KLF8: variants seen among roughly 807,000 people sequenced by gnomAD.
KLF8 encodes the protein KLF transcription factor 8.
KLF8 carries 10 observed loss-of-function variants against 18.2 expected under a neutral mutation model. The observed-to-expected ratio is 0.55, with a 90% CI of 0.34 to 0.93. The LOEUF (loss-of-function observed/expected upper bound fraction) is 0.93, where lower values mean the gene tolerates loss of function less well. KLF8 is among the 40% of genes least tolerant of loss of function. KLF8 has a pLI of 0.02. For synonymous variants in KLF8, 109 were observed against 97.3 expected (o/e 1.12, Z -0.71); for missense variants, 264 against 277.9 (o/e 0.95, Z 0.36).
the KLF8 span, among the ~76,000 whole-genome samples, chrX:56,069,560 C>A: frequency 8.9e-6 from 1 of 112,025 alleles, no homozygotes; most frequent in Non-Finnish European, 1.9e-5. Flanking sequence ...CTGCTGGTAG[C>A]CAGGTGAGTC....
chrX:55,908,781 C>T, the KLF8 span: 1 of 275,694 alleles, frequency 3.6e-6, no homozygotes, highest in East Asian at 5.2e-5. Flanking sequence ...AGGATGCCTT[C>T]GGAGGCGCAG....
At chrX:55,937,711 G>A in the KLF8 span, among the ~76,000 whole-genome samples, 1 of 112,536 alleles carries the variant, frequency 8.9e-6, no homozygotes, top group Non-Finnish European at 1.9e-5. Context: ...CATGGCATGA[G>A]AACTACGTGA....
At chrX:56,089,326 T>A in the KLF8 span, among the ~76,000 whole-genome samples, 25 of 112,160 alleles carry the variant, frequency 2.2e-4, no homozygotes, top group African/African-American at 7.8e-4. Context: ...AGGGAAAAAG[T>A]GAGCGGAGAA....
chrX:56,207,168 G>A, the KLF8 span, among the ~76,000 whole-genome samples: 1 of 112,584 alleles, frequency 8.9e-6, no homozygotes, highest in Non-Finnish European at 1.9e-5. Flanking sequence ...CTCCAGGCCT[G>A]TGATGGGAGG....
chrX:56,104,579 A>T, the KLF8 span, among the ~76,000 whole-genome samples: 1 of 110,822 alleles, frequency 9.0e-6, no homozygotes, highest in South Asian at 3.8e-4. Context: ...TATCATTTTG[A>T]TTGCATCTAT....
chrX:56,206,930 G>T, the KLF8 span, among the ~76,000 whole-genome samples: 1 of 112,487 alleles, frequency 8.9e-6, no homozygotes, highest in African/African-American at 3.2e-5. Flanking sequence ...CTAGGCAGAG[G>T]TTCCCAAATG....
the KLF8 span, among the ~76,000 whole-genome samples, chrX:56,042,378 G>C: frequency 1.8e-5 from 2 of 111,237 alleles, no homozygotes; most frequent in East Asian, 5.6e-4. Context: ...TTCTGTAGCA[G>C]GTCCGACTGA....
chrX:56,204,284 T>G, the KLF8 span, among the ~76,000 whole-genome samples: 1 of 111,543 alleles, frequency 9.0e-6, no homozygotes, highest in Non-Finnish European at 1.9e-5. Flanking sequence ...TACTGCAAAT[T>G]TACTGAATTT....
the KLF8 span, among the ~76,000 whole-genome samples, chrX:56,189,044 T>C: frequency 9.0e-6 from 1 of 111,424 alleles, no homozygotes; most frequent in Non-Finnish European, 1.9e-5. Flanking sequence ...CTCAAGAGCT[T>C]CTGCACAGCA....
the KLF8 span, among the ~76,000 whole-genome samples, chrX:56,161,931 C>A: frequency 3.6e-5 from 4 of 111,291 alleles, no homozygotes; most frequent in Non-Finnish European, 5.7e-5. Flanking sequence ...ATGATGGTGA[C>A]ATACAGATGG....
the KLF8 span, among the ~76,000 whole-genome samples, chrX:56,055,661 C>A: frequency 8.9e-6 from 1 of 111,922 alleles, no homozygotes; most frequent in African/African-American, 3.2e-5. Context: ...AATATGTTTT[C>A]CAAGTTGTTT....
the KLF8 span, among the ~76,000 whole-genome samples, chrX:56,068,529 A>G: frequency 9.0e-6 from 1 of 111,646 alleles, no homozygotes; most frequent in Non-Finnish European, 1.9e-5. Flanking sequence ...GTTTTGGTGA[A>G]CAACCAAATT....
chrX:56,017,693 T>A, the KLF8 span, among the ~76,000 whole-genome samples: 1 of 111,514 alleles, frequency 9.0e-6, no homozygotes, highest in Admixed American at 9.5e-5. Flanking sequence ...GATATTTCCC[T>A]TCAGTTGTAT....
chrX:56,109,394 C>CAA, the KLF8 span, among the ~76,000 whole-genome samples: 10,255 of 71,864 alleles, frequency 0.14, 1,289 homozygotes, highest in African/African-American at 0.38. Flanking sequence ...AACTCTATCT[C>CAA]AAAAAAAAAA....
At chrX:56,162,466 T>G in the KLF8 span, among the ~76,000 whole-genome samples, 1 of 111,930 alleles carries the variant, frequency 8.9e-6, no homozygotes, top group Non-Finnish European at 1.9e-5. Flanking sequence ...GCCTCGGCAA[T>G]GCCGGGAACC....
the KLF8 span, among the ~76,000 whole-genome samples, chrX:55,923,705 CGTGTGTGTGTGT>C: frequency 3.8e-3 from 369 of 98,263 alleles, 2 homozygotes; most frequent in East Asian, 8.1e-3. Flanking sequence ...TAAAGATCCA[CGTGTGTGTGTGT>C]GTGTGTGTGT....
chrX:56,164,135 C>G, the KLF8 span, among the ~76,000 whole-genome samples: 5 of 107,297 alleles, frequency 4.7e-5, no homozygotes, highest in African/African-American at 1.7e-4. Context: ...ACAGCAAGAA[C>G]AAACACAACA....
At chrX:56,146,402 G>T in the KLF8 span, among the ~76,000 whole-genome samples, 1 of 111,796 alleles carries the variant, frequency 8.9e-6, no homozygotes, top group Non-Finnish European at 1.9e-5. Flanking sequence ...ATGAGTTCAT[G>T]TTCTTTGCAG....
chrX:55,985,881 C>CT, the KLF8 span, among the ~76,000 whole-genome samples: 2 of 110,611 alleles, frequency 1.8e-5, no homozygotes, highest in African/African-American at 6.6e-5. Flanking sequence ...GTATTATATT[C>CT]TTTTTGTGGG....
Sources: allele counts gnomAD v4.1 joint callset (sites outside exome capture counted in the v4.1 genomes callset), GRCh38; gene constraint gnomAD v4.1.1; transcripts MANE v1.5; gene names NCBI Gene and HGNC (gene_info 2026-07-23, HGNC 2026-07-21).